The following CSMD2 variants were observed in gnomAD, a reference collection of about 807,000 sequenced individuals.
The protein encoded by CSMD2 is CUB and Sushi multiple domains 2.
A neutral mutation model predicts 398.5 loss-of-function variants in CSMD2; 130 were observed. The ratio of observed to expected loss-of-function variants is 0.33; its 90% CI spans 0.28 to 0.38. The LOEUF (loss-of-function observed/expected upper bound fraction) is 0.38. Ranked by LOEUF, CSMD2 falls within the 10% of genes least tolerant of loss-of-function variation. The probability of loss-of-function intolerance (pLI) is 1.00; values close to 1 mark genes in which losing one functional copy is unlikely to be tolerated. For synonymous variants in CSMD2, 1,828 were observed against 1,908.5 expected, an observed-to-expected ratio of 0.96 and a Z score of 1.10; for missense variants, 3,829 against 4,764.9, an observed-to-expected ratio of 0.80 and a Z score of 5.78.
At chr1:34,041,265 A>G (rs1335591069) in intron 2 of CSMD2, among the ~76,000 whole-genome samples, 1 of 152,154 alleles carries the variant, frequency 6.6e-6, no homozygotes, top group Non-Finnish European at 1.5e-5. Context: ...GATACAACTG[A>G]GCTTCCTGCC....
chr1:33,574,159 G>A (rs10798971), intron 49 of CSMD2, among the ~76,000 whole-genome samples: 34,117 of 151,970 alleles, frequency 0.22, 4,071 homozygotes, highest in Non-Finnish European at 0.26. Context: ...ATTTACTTAA[G>A]GATATACCCC....
chr1:33,703,099 C>T (rs1645664969), intron 22 of CSMD2, among the ~76,000 whole-genome samples: 1 of 152,088 alleles, frequency 6.6e-6, no homozygotes, highest in South Asian at 2.1e-4. Context: ...TGTAGCTTTA[C>T]AATATATTTA....
chr1:33,573,358 C>G (rs1659771241), intron 49 of CSMD2, among the ~76,000 whole-genome samples: 1 of 151,728 alleles, frequency 6.6e-6, no homozygotes, highest in Non-Finnish European at 1.5e-5. Context: ...CAAGACAAAC[C>G]AAGATAAAGT....
At chr1:33,995,426 C>T (rs115392744) in intron 3 of CSMD2, among the ~76,000 whole-genome samples, 4,865 of 152,314 alleles carry the variant, frequency 0.032, 115 homozygotes, top group Middle Eastern at 0.058. Context: ...CAGGGCTAAG[C>T]TCTGGGACAT....
At chr1:34,080,127 CAA>C (rs201150922) in intron 2 of CSMD2, among the ~76,000 whole-genome samples, 58 of 76,522 alleles carry the variant, frequency 7.6e-4, no homozygotes, top group Non-Finnish European at 1.1e-3. Context: ...GAATGTAAAG[CAA>C]AAAAAAAAAA....
At chr1:33,668,101 G>GGAGGGGT (rs1045496306) in intron 25 of CSMD2, among the ~76,000 whole-genome samples, 5 of 152,292 alleles carry the variant, frequency 3.3e-5, no homozygotes, top group African/African-American at 9.6e-5. Flanking sequence ...ATGGAGAGCA[G>GGAGGGGT]GAGGGGTGAG....
chr1:33,938,848 T>C (rs1282462013), intron 3 of CSMD2, among the ~76,000 whole-genome samples: 18 of 151,202 alleles, frequency 1.2e-4, no homozygotes, highest in Non-Finnish European at 2.7e-4. Context: ...CATAATCTCC[T>C]GCCGCTGGCT....
intron 13 of CSMD2, among the ~76,000 whole-genome samples, chr1:33,770,006 A>G (rs1651047295): frequency 6.6e-6 from 1 of 152,182 alleles, no homozygotes; most frequent in Admixed American, 6.5e-5. Flanking sequence ...TCCCTTTTCT[A>G]TTGATAACAT....
intron 5 of CSMD2, among the ~76,000 whole-genome samples, chr1:33,849,588 A>G (rs753739190): frequency 6.6e-6 from 1 of 152,130 alleles, no homozygotes; most frequent in East Asian, 1.9e-4. Flanking sequence ...TGTTGATTAG[A>G]TGAGATGTAC....
chr1:33,837,515 T>G (rs1331539996), intron 6 of CSMD2, among the ~76,000 whole-genome samples: 1 of 152,130 alleles, frequency 6.6e-6, no homozygotes, highest in African/African-American at 2.4e-5. Flanking sequence ...GCTGGCTCAA[T>G]GGTCTGGCTA....
At chr1:34,075,717 C>G (rs958024317) in intron 2 of CSMD2, among the ~76,000 whole-genome samples, 1 of 152,210 alleles carries the variant, frequency 6.6e-6, no homozygotes, top group Non-Finnish European at 1.5e-5. Context: ...ATTATGTTTG[C>G]TCGTGTCCCA....
At chr1:33,788,291 T>TGAGGTCAG (rs1455165261) in intron 12 of CSMD2, among the ~76,000 whole-genome samples, 2 of 152,000 alleles carry the variant, frequency 1.3e-5, no homozygotes, top group Admixed American at 6.5e-5. Flanking sequence ...GTGGGTCATT[T>TGAGGTCAG]GAGGTCAGGA....
intron 7 of CSMD2, among the ~76,000 whole-genome samples, chr1:33,821,589 G>T (rs1658163343): frequency 6.6e-6 from 1 of 152,132 alleles, no homozygotes; most frequent in African/African-American, 2.4e-5. Context: ...TGTCCCATAA[G>T]GTGAACAAAG....
At chr1:34,124,159 A>T (rs1447760079) in intron 1 of CSMD2, among the ~76,000 whole-genome samples, 2 of 152,220 alleles carry the variant, frequency 1.3e-5, no homozygotes, top group African/African-American at 4.8e-5. Context: ...TAAGCTTTAG[A>T]AGATGGCACC....
At chr1:34,092,665 C>T (rs879372491) in intron 1 of CSMD2, among the ~76,000 whole-genome samples, 73 of 152,122 alleles carry the variant, frequency 4.8e-4, no homozygotes, top group Admixed American at 7.9e-4. Context: ...CCTGGAGAAT[C>T]GGGTCACTCC....
At chr1:33,817,021 A>G (rs1657541520) in intron 9 of CSMD2, among the ~76,000 whole-genome samples, 1 of 152,240 alleles carries the variant, frequency 6.6e-6, no homozygotes, top group Admixed American at 6.5e-5. Context: ...CTTGGAATGG[A>G]AAGAGTTTTG....
chr1:34,114,968 C>T (rs1284741187), intron 1 of CSMD2, among the ~76,000 whole-genome samples: 1 of 151,910 alleles, frequency 6.6e-6, no homozygotes, highest in African/African-American at 2.4e-5. Context: ...TAAAATTTTA[C>T]TGGAGGGGTT....
intron 3 of CSMD2, among the ~76,000 whole-genome samples, chr1:34,001,944 C>G (rs1267234821): frequency 6.6e-6 from 1 of 152,176 alleles, no homozygotes. Context: ...AACTTCTTAA[C>G]ATGCTGTTTG....
At position 33,611,107 on chromosome 1, in the gene CSMD2, C is replaced by T. The variant is rs1318882966; in HGVS notation, c.6277G>A (p.Glu2093Lys). 4.3e-6 allele frequency: 7 copies of T among 1,613,886 alleles called. No homozygotes were observed. Among genetic ancestry groups the T allele is most frequent in the East Asian group, 2.2e-5 (1 of 44,892 alleles). The change falls in exon 41 of 71, where the codon GAG becomes AAG. Residue 2093 changes from glutamate (E) to lysine (K), a missense_variant. Physicochemically the swap from Glu to Lys is moderately conservative, Grantham distance 56. Coordinates refer to ENST00000373381, the MANE Select transcript of CSMD2 (RefSeq NM_001281956.2). Reference protein sequence around the residue: ...LPSSLLSTSHETTVYFHSDHS... With the variant: ...LPSSLLSTSHKTTVYFHSDHS... ...TCGCTGTGGAAATACACGGTGGTCT[C>T]GTGGGACGTGGAGAGGAGGGAGCTT...
Sources: gnomAD v4.1 joint callset for allele counts (sites outside exome capture counted in the v4.1 genomes callset) on GRCh38, gnomAD v4.1.1 for gene constraint, MANE v1.5 for transcripts, NCBI Gene and HGNC (gene_info 2026-07-23, HGNC 2026-07-21) for gene names.